CLDN16: variants seen among roughly 807,000 people sequenced by gnomAD.
CLDN16 encodes the protein claudin-16.
Under a neutral mutation model 24.6 loss-of-function variants are expected in CLDN16, and 13 were observed. The observed-to-expected ratio is 0.53, with a 90% CI of 0.34 to 0.84. The LOEUF (loss-of-function observed/expected upper bound fraction) is 0.84. CLDN16 is among the 40% of genes least tolerant of loss of function. The pLI, the probability that CLDN16 is intolerant of heterozygous loss-of-function variation, is 0.01. For missense variants in CLDN16, 298 were observed against 292.7 expected, an observed-to-expected ratio of 1.02 and a Z score of -0.13; for synonymous variants, 116 against 106.7, an observed-to-expected ratio of 1.09 and a Z score of -0.54.
chr3:190,347,633 G>C (rs141811750), intron 1 of CLDN16, among the ~76,000 whole-genome samples: 48 of 152,228 alleles, frequency 3.2e-4, no homozygotes, highest in African/African-American at 1.1e-3. Context: ...TCTTGATGGG[G>C]GAGACAGATA....
chr3:190,328,277 C>G (rs767050139), intron 1 of CLDN16, among the ~76,000 whole-genome samples: 4 of 151,920 alleles, frequency 2.6e-5, no homozygotes, highest in African/African-American at 7.3e-5. Flanking sequence ...TGAGACCTGT[C>G]ACACACACAC....
the CLDN16 span, among the ~76,000 whole-genome samples, chr3:190,302,781 T>TA: frequency 1.9e-5 from 2 of 106,392 alleles, no homozygotes; most frequent in African/African-American, 6.6e-5. Context: ...CAAAAAAAAA[T>TA]ATATATATAT....
chr3:190,385,995 GT>G (rs1382304555), upstream of CLDN16, among the ~76,000 whole-genome samples: 30 of 152,262 alleles, frequency 2.0e-4, no homozygotes, highest in African/African-American at 6.7e-4. Context: ...ACAGAGTCCA[GT>G]GTACACTCAG....
At chr3:190,319,404 G>C (rs997775858), upstream of CLDN16, among the ~76,000 whole-genome samples, 1 of 152,154 alleles carries the variant, frequency 6.6e-6, no homozygotes, top group Admixed American at 6.5e-5. Context: ...CCCAGGAAGT[G>C]CCTCAGTTAC....
At chr3:190,360,738 G>A (rs1295889416) in intron 1 of CLDN16, among the ~76,000 whole-genome samples, 1 of 150,402 alleles carries the variant, frequency 6.6e-6, no homozygotes, top group Non-Finnish European at 1.5e-5. Context: ...GTTCCATTTA[G>A]TTTCCTCTAT....
intron 1 of CLDN16, among the ~76,000 whole-genome samples, chr3:190,324,732 C>T (rs369077978): frequency 6.6e-6 from 1 of 152,156 alleles, no homozygotes; most frequent in African/African-American, 2.4e-5. Flanking sequence ...ATGCTGTTTG[C>T]TTCACTGTGA....
upstream of CLDN16, among the ~76,000 whole-genome samples, chr3:190,384,567 A>G (rs1029923228): frequency 1.3e-5 from 2 of 152,184 alleles, no homozygotes; most frequent in African/African-American, 4.8e-5. Flanking sequence ...ATGGTGCATA[A>G]TGAATTGACC....
intron 3 of CLDN16, among the ~76,000 whole-genome samples, chr3:190,381,334 G>C (rs1202871242): frequency 6.6e-6 from 1 of 152,054 alleles, no homozygotes; most frequent in Non-Finnish European, 1.5e-5. Flanking sequence ...CTAATCTGTT[G>C]CTTGATCACT....
the CLDN16 span, among the ~76,000 whole-genome samples, chr3:190,314,988 A>G: frequency 6.6e-6 from 1 of 152,156 alleles, no homozygotes; most frequent in Non-Finnish European, 1.5e-5. Context: ...AGGTTATTAC[A>G]CAACTTTTTC....
intron 1 of CLDN16, among the ~76,000 whole-genome samples, chr3:190,400,271 G>C (rs556741187): frequency 6.6e-6 from 1 of 151,438 alleles, no homozygotes; most frequent in Non-Finnish European, 1.5e-5. Context: ...ACGGAATCTC[G>C]CTCTGTCGCC....
intron 1 of CLDN16, among the ~76,000 whole-genome samples, chr3:190,363,556 G>GTGTA (rs1301414615): frequency 4.8e-4 from 42 of 87,388 alleles, no homozygotes; most frequent in African/African-American, 1.8e-3. Context: ...GTGTGTGTGT[G>GTGTA]TATATATATA....
At chr3:190,367,231 C>G (rs192470967) in intron 1 of CLDN16, among the ~76,000 whole-genome samples, 172 of 151,824 alleles carry the variant, frequency 1.1e-3, no homozygotes, top group African/African-American at 3.7e-3. Flanking sequence ...TGTATTTGAC[C>G]ATAGATATTA....
At chr3:190,393,912 G>A (rs529617316) in intron 1 of CLDN16, among the ~76,000 whole-genome samples, 4 of 151,736 alleles carry the variant, frequency 2.6e-5, no homozygotes, top group East Asian at 1.9e-4. Flanking sequence ...CACCACACCC[G>A]GCTAATTTTT....
the CLDN16 span, chr3:190,312,731 A>G: frequency 1.1e-6 from 1 of 892,492 alleles, no homozygotes; most frequent in Non-Finnish European, 1.8e-6. Context: ...GTTTGAGAAC[A>G]TGAAAGTCAA....
chr3:190,296,651 G>A, the CLDN16 span, among the ~76,000 whole-genome samples: 5 of 149,996 alleles, frequency 3.3e-5, no homozygotes, highest in Non-Finnish European at 5.9e-5. Flanking sequence ...CCGGGTTCAC[G>A]CCATTCTCCT....
At chr3:190,390,812 G>A (rs1335200046) in intron 1 of CLDN16, among the ~76,000 whole-genome samples, 1 of 151,646 alleles carries the variant, frequency 6.6e-6, no homozygotes, top group Non-Finnish European at 1.5e-5. Flanking sequence ...TATAGATTTG[G>A]TCTCACGCTG....
At chr3:190,395,185 T>C (rs1252371722) in intron 1 of CLDN16, among the ~76,000 whole-genome samples, 1 of 152,098 alleles carries the variant, frequency 6.6e-6, no homozygotes, top group African/African-American at 2.4e-5. Context: ...GTAGGTCATA[T>C]ACCTGTGAAG....
At chr3:190,291,896 TCC>T in the CLDN16 span, among the ~76,000 whole-genome samples, 2 of 152,152 alleles carry the variant, frequency 1.3e-5, no homozygotes, top group African/African-American at 4.8e-5. Context: ...TCCCCTTGAC[TCC>T]ATGTCTCACG....
upstream of CLDN16, among the ~76,000 whole-genome samples, chr3:190,386,157 A>C (rs1307818243): frequency 1.3e-5 from 2 of 152,202 alleles, no homozygotes; most frequent in Non-Finnish European, 2.9e-5. Flanking sequence ...CAGCAGAGTA[A>C]ATCTTAATAG....
Sources: gnomAD v4.1 joint callset for allele counts (sites outside exome capture counted in the v4.1 genomes callset) on GRCh38, gnomAD v4.1.1 for gene constraint, MANE v1.5 for transcripts, NCBI Gene and HGNC (gene_info 2026-07-23, HGNC 2026-07-21) for gene names.